FKBP4: variants seen among roughly 807,000 people sequenced by gnomAD.
FKBP4 encodes peptidyl-prolyl cis-trans isomerase FKBP4.
Under a neutral mutation model 54.1 loss-of-function variants are expected in FKBP4, and 28 were observed. The observed-to-expected ratio is 0.52, with a 90% CI of 0.38 to 0.71. The LOEUF (loss-of-function observed/expected upper bound fraction) is 0.71, where lower values mean the gene tolerates loss of function less well. Ranked by LOEUF, FKBP4 falls within the 30% of genes least tolerant of loss-of-function variation. The probability of loss-of-function intolerance (pLI) is 0.00; values close to 1 mark genes in which losing one functional copy is unlikely to be tolerated. For synonymous variants in FKBP4, 223 were observed against 216.1 expected (o/e 1.03, Z -0.28); for missense variants, 493 against 574.4 (o/e 0.86, Z 1.45).
intron 9 of FKBP4, among the ~76,000 whole-genome samples, chr12:2,802,262 C>T (rs1019666137): frequency 1.1e-4 from 17 of 152,260 alleles, no homozygotes; most frequent in Middle Eastern, 6.8e-3. Context: ...CTCGGCCTCC[C>T]GAGTAGCTGG....
chr12:2,797,878 G>C lies in FKBP4; in HGVS notation c.393+7G>C, dbSNP rs2097902762. On this transcript the variant is annotated splice_region_variant and intron_variant, in intron 3 of 9. Coordinates refer to ENST00000001008, the MANE Select transcript of FKBP4 (RefSeq NM_002014.4). Reference sequence around the variant, plus strand: ...TGCCACGCTTGTATTTGAGGTGAGTGTTTGGTCACTGAGATCCAGGCTAAG... The same window carrying C: ...TGCCACGCTTGTATTTGAGGTGAGTCTTTGGTCACTGAGATCCAGGCTAAG... The C allele has an allele frequency of 6.2e-7, 1 of 1,610,782 alleles. No homozygotes were observed. The highest frequency in any genetic ancestry group is 8.5e-7 in the Non-Finnish European group (1 of 1,177,744).
At position 2,805,372 on chromosome 12, in the gene FKBP4, A is replaced by G. The variant is rs1377154998; in HGVS notation, c.*2114A>G. The G allele has an allele frequency of 3.0e-6, 1 of 332,760 alleles. No individual in the cohort carries two copies. Among genetic ancestry groups the G allele is most frequent in the African/African-American group, 2.2e-5 (1 of 45,956 alleles). 20.6% of individuals were successfully genotyped at this position (332,760 alleles called of 1,614,324 possible). The stretch of plus-strand genomic sequence containing the variant: ...TGTAACCGTGGAACATCTAGAGATA[A>G]GTCTTAGTTTATGTAACATTAAAAC... On this transcript the variant is annotated 3_prime_UTR_variant, in exon 10 of 10. Coordinates refer to ENST00000001008, the MANE Select transcript of FKBP4 (RefSeq NM_002014.4).
At position 2,798,878 on chromosome 12, in the gene FKBP4, G is replaced by GTGTGGCTT. The variant is rs760279120; in HGVS notation, c.514+55_514+62dup. On this transcript the variant is annotated intron_variant, in intron 4 of 9. Coordinates refer to ENST00000001008, the MANE Select transcript of FKBP4 (RefSeq NM_002014.4). This position sits in a 1 kb window ranked among gnomAD's most constrained non-coding sequence, Gnocchi z 4.3. ...ATTCTCATTCTGATATTTAGGCCTT[G>GTGTGGCTT]TGTGGCTTTGGGCAAGACACTTCCG... 1 of 1,594,450 alleles carries GTGTGGCTT rather than the reference G, an allele frequency of 6.3e-7. No individual in the cohort carries two copies. The highest frequency in any genetic ancestry group is 8.6e-7 in the Non-Finnish European group (1 of 1,163,238).
intron 1 of FKBP4, chr12:2,796,551 A>G (rs1217322570): frequency 1.7e-6 from 2 of 1,188,664 alleles, no homozygotes; most frequent in Non-Finnish European, 2.1e-6. Flanking sequence ...CCAGAGGAAT[A>G]CTCAGCTCCC....
In FKBP4 at chr12:2,804,838, C is replaced by T. The variant is rs140555830; in HGVS notation, c.*1580C>T. 977 of 174,766 alleles carry T rather than the reference C, an allele frequency of 5.6e-3. 5 individuals carry two copies. The highest frequency in any genetic ancestry group is 7.5e-3 in the Non-Finnish European group (614 of 82,272). The allele number at this position is 174,766 out of a possible 1,614,324, so 10.8% of individuals were successfully genotyped here. On this transcript the variant is annotated 3_prime_UTR_variant, in exon 10 of 10. Transcript: ENST00000001008. Reference sequence around the variant, plus strand: ...CTCCCAGTGTGAGTATCCCTTGAGCCCAAGACACCAAGGATGCAGAGAACT... The same window carrying T: ...CTCCCAGTGTGAGTATCCCTTGAGCTCAAGACACCAAGGATGCAGAGAACT...
chr12:2,799,477 A>G (rs2097903614), intron 5 of FKBP4, among the ~76,000 whole-genome samples: 1 of 152,100 alleles, frequency 6.6e-6, no homozygotes, highest in South Asian at 2.1e-4. Flanking sequence ...TGCCATCAAG[A>G]TTTTCCTCTC....
intron 1 of FKBP4, chr12:2,796,891 T>C: frequency 7.6e-7 from 1 of 1,320,446 alleles, no homozygotes; most frequent in Non-Finnish European, 9.7e-7. Flanking sequence ...CAGCGGAAAC[T>C]TGAACTCAGA....
At position 2,796,545 on chromosome 12, in the gene FKBP4, A is replaced by T; in HGVS notation, c.106-593A>T. 16 of 1,190,056 alleles carry T rather than the reference A, an allele frequency of 1.3e-5. No individual in the cohort carries two copies. In the South Asian group the frequency reaches 2.5e-4, roughly 19 times the overall value. The allele number at this position is 1,190,056 out of a possible 1,614,324, so 73.7% of individuals were successfully genotyped here. On this transcript the variant is annotated intron_variant, in intron 1 of 9. Coordinates refer to ENST00000001008, the MANE Select transcript of FKBP4 (RefSeq NM_002014.4). ...ACTCCAGCCCTGGACTAACTACCAGAGGAATACTCAGCTCCCAAGTCAGAG... is the reference window on the plus strand; with the variant it reads ...ACTCCAGCCCTGGACTAACTACCAGTGGAATACTCAGCTCCCAAGTCAGAG...
At chr12:2,796,034 G>C (rs1008531341) in intron 1 of FKBP4, 2 of 1,176,856 alleles carry the variant, frequency 1.7e-6, no homozygotes, top group South Asian at 3.2e-5. Context: ...ACTACAAATA[G>C]CCTGGGGAGC....
Position 2,795,232 on chromosome 12 carries a change from A to C in FKBP4, c.93A>C (p.Glu31Asp). The change falls in exon 1 of 10, where the codon GAA becomes GAC. Residue 31 changes from glutamate to aspartate, a missense_variant. Glu to Asp is a conservative substitution (Grantham distance 45, BLOSUM62 2). Transcript: ENST00000001008. The surrounding 1 kb of genome is among the most constrained non-coding windows in gnomAD (Gnocchi z 4.3). ...EGVDISPKQD[E>D]GVLKVIKREG... The stretch of plus-strand genomic sequence containing the variant: ...TGGACATCAGCCCCAAACAGGACGA[A>C]GGCGTGCTGAAGGTGAGGGGCGGCG... The C allele has an allele frequency of 7.5e-7, 1 of 1,331,908 alleles. No individual in the cohort carries two copies. The highest frequency in any genetic ancestry group is 9.7e-7 in the Non-Finnish European group (1 of 1,033,768). 82.5% of individuals were successfully genotyped at this position (1,331,908 alleles called of 1,614,324 possible). A position where few individuals can be genotyped will look rare whatever the true frequency, so the allele number is the denominator to read the frequency against.
Position 2,798,721 on chromosome 12 carries a change from T to G in FKBP4, c.409T>G (p.Phe137Val). 6.2e-7 allele frequency: 1 copy of G among 1,613,536 alleles called. No individual in the cohort carries two copies. Among genetic ancestry groups the G allele is most frequent in the Non-Finnish European group, 8.5e-7 (1 of 1,179,944 alleles). Residue 137 changes from phenylalanine (F) to valine (V), a missense_variant, in exon 4 of 10, where the codon TTT becomes GTT. Transcript: ENST00000001008. This position sits in a 1 kb window ranked among gnomAD's most constrained non-coding sequence, Gnocchi z 4.3. ...TLVFEVELFE[F>V]KGEDLTEEED... ...TGTCCCACAGGTGGAGTTGTTTGAGTTTAAGGGAGAAGATCTGACGGAAGA... is the reference window on the plus strand; with the variant it reads ...TGTCCCACAGGTGGAGTTGTTTGAGGTTAAGGGAGAAGATCTGACGGAAGA...
rs576452622 is a variant in FKBP4, at chr12:2,795,937, C to T, written c.105+693C>T. The T allele has an allele frequency of 9.8e-7, 1 of 1,025,042 alleles. No individual in the cohort carries two copies. Among genetic ancestry groups the T allele is most frequent in the Non-Finnish European group, 1.2e-6 (1 of 852,384 alleles). 63.5% of individuals were successfully genotyped at this position (1,025,042 alleles called of 1,614,324 possible). On this transcript the variant is annotated intron_variant, in intron 1 of 9. Transcript: ENST00000001008. The surrounding 1 kb of genome is among the most constrained non-coding windows in gnomAD (Gnocchi z 4.3). ...GCCGGGAGCTGTAGTCCCCTCCCCC[C>T]TCCGCCGCCTCCCGGAGCCAGGGCT...
rs1400918439 is a variant in FKBP4 at position 2,805,165 on chromosome 12, C to T, written c.*1907C>T. On this transcript the variant is annotated 3_prime_UTR_variant, in exon 10 of 10. Transcript: ENST00000001008. Reference sequence around the variant, plus strand: ...GGTATAACTTTAATAACCCTATTTACAGATAAGAAAACCAAGACTCAGAAG... The same window carrying T: ...GGTATAACTTTAATAACCCTATTTATAGATAAGAAAACCAAGACTCAGAAG... The T allele has an allele frequency of 2.2e-6, 1 of 456,004 alleles. No homozygotes were observed. Among genetic ancestry groups the T allele is most frequent in the Non-Finnish European group, 4.4e-6 (1 of 226,790 alleles). 28.2% of individuals were successfully genotyped at this position (456,004 alleles called of 1,614,324 possible).
In FKBP4 at chr12:2,795,946, C is replaced by T. The variant is rs545298993; in HGVS notation, c.105+702C>T. 6.8e-6 allele frequency: 7 copies of T among 1,025,004 alleles called. 1 individual carries two copies. The East Asian group carries it at 3.0e-4, about 44-fold the overall frequency. 63.5% of individuals were successfully genotyped at this position (1,025,004 alleles called of 1,614,324 possible). ...TGTAGTCCCCTCCCCCCTCCGCCGC[C>T]TCCCGGAGCCAGGGCTGCGGGGTGT... On this transcript the variant is annotated intron_variant, in intron 1 of 9. Transcript: ENST00000001008. The surrounding 1 kb of genome is among the most constrained non-coding windows in gnomAD (Gnocchi z 4.3).
rs2097902734 is a variant in FKBP4 at position 2,797,816 on chromosome 12, A to G, written c.338A>G (p.Tyr113Cys). 6.2e-7 allele frequency: 1 copy of G among 1,614,062 alleles called. No homozygotes were observed. The highest frequency in any genetic ancestry group is 8.5e-7 in the Non-Finnish European group (1 of 1,179,938). ...CHITCKPEYA[Y>C]GSAGSPPKIP... The stretch of plus-strand genomic sequence containing the variant: ...ATCACCTGCAAACCAGAATATGCCT[A>G]CGGTTCAGCAGGCAGTCCTCCAAAG... Residue 113 changes from tyrosine (Y) to cysteine (C), a missense_variant, in exon 3 of 10, where the codon TAC (tyrosine) becomes TGC (cysteine). Physicochemically the swap from Tyr to Cys is radical, Grantham distance 194. Transcript: ENST00000001008.
intron 2 of FKBP4, among the ~76,000 whole-genome samples, 184 bp from the exon 3 acceptor site, chr12:2,797,545 C>T (rs984448581): frequency 3.9e-5 from 6 of 152,026 alleles, no homozygotes; most frequent in Admixed American, 6.6e-5. Context: ...TTCAGGGTCA[C>T]GTGATCTTTT....
At chr12:2,802,064 C>T (rs1412521422) in intron 9 of FKBP4, among the ~76,000 whole-genome samples, 1 of 152,202 alleles carries the variant, frequency 6.6e-6, no homozygotes, top group South Asian at 2.1e-4. Flanking sequence ...CTTTCTTAGG[C>T]TTACATTGTA....
chr12:2,801,078 T>C, intron 8 of FKBP4, 39 bp from the exon 9 acceptor site: 1 of 1,610,478 alleles, frequency 6.2e-7, no homozygotes, highest in Non-Finnish European at 8.5e-7. Flanking sequence ...CTACAAGCCC[T>C]GAGCTCCCAC....
Position 2,799,953 on chromosome 12 carries a change from A to G in FKBP4, c.762+13A>G, listed in dbSNP as rs1364233317. ...GAGTTTTGAAAAGGTAAGTTTGCTCAGGGTCTTCCCATCTAAAGTCAAGTT... is the reference window on the plus strand; with the variant it reads ...GAGTTTTGAAAAGGTAAGTTTGCTCGGGGTCTTCCCATCTAAAGTCAAGTT... On this transcript the variant is annotated intron_variant, in intron 6 of 9. Coordinates refer to ENST00000001008, the MANE Select transcript of FKBP4 (RefSeq NM_002014.4). The G allele has an allele frequency of 6.2e-7, 1 of 1,613,940 alleles. No individual in the cohort carries two copies. Among genetic ancestry groups the G allele is most frequent in the East Asian group, 2.2e-5 (1 of 44,888 alleles).
Sources: allele counts gnomAD v4.1 joint callset (sites outside exome capture counted in the v4.1 genomes callset), GRCh38; gene constraint gnomAD v4.1.1; non-coding constraint Gnocchi (gnomAD v3.1); transcripts MANE v1.5; gene names NCBI Gene and HGNC (gene_info 2026-07-23, HGNC 2026-07-21).